TSPAN11: variants seen among roughly 807,000 people sequenced by gnomAD.
TSPAN11 encodes tetraspanin 11, also known as tetraspanin-11.
In TSPAN11, 29 loss-of-function variants were observed where a neutral mutation model predicts 32.9. The observed-to-expected ratio is 0.88, with a 90% CI of 0.66 to 1.20. The LOEUF (loss-of-function observed/expected upper bound fraction) is 1.20, where lower values mean the gene tolerates loss of function less well. Ranked by LOEUF, TSPAN11 falls within the 50% of genes most tolerant of loss-of-function variation. The probability of loss-of-function intolerance (pLI) is 0.00; values close to 1 mark genes in which losing one functional copy is unlikely to be tolerated. For synonymous variants in TSPAN11, 140 were observed against 141.3 expected (o/e 0.99, Z 0.07); for missense variants, 283 against 329.1 (o/e 0.86, Z 1.08).
chr12:30,943,610 C>CA (rs1938209882), intron 1 of TSPAN11, among the ~76,000 whole-genome samples: 2 of 152,224 alleles, frequency 1.3e-5, no homozygotes, highest in African/African-American at 4.8e-5. Flanking sequence ...TGCAGTGTGA[C>CA]TTTGGCCACA....
At chr12:30,980,525 T>G (rs1323278522) in intron 5 of TSPAN11, among the ~76,000 whole-genome samples, 2 of 151,886 alleles carry the variant, frequency 1.3e-5, no homozygotes, top group Admixed American at 1.3e-4. Context: ...CCCACTCTGG[T>G]CCCCTTTCTC....
the TSPAN11 span, among the ~76,000 whole-genome samples, chr12:31,008,302 G>T: frequency 6.6e-6 from 1 of 152,188 alleles, no homozygotes; most frequent in African/African-American, 2.4e-5. Context: ...AAAGCTTCCT[G>T]TCCACAGTTT....
the TSPAN11 span, among the ~76,000 whole-genome samples, chr12:31,010,217 A>T: frequency 9.9e-5 from 15 of 152,200 alleles, no homozygotes; most frequent in Non-Finnish European, 1.5e-4. Context: ...CCCAAGGCTC[A>T]GAGGTGTGAC....
intron 1 of TSPAN11, among the ~76,000 whole-genome samples, chr12:30,932,747 A>G (rs541652425): frequency 1.3e-5 from 2 of 151,924 alleles, no homozygotes; most frequent in East Asian, 3.9e-4. Flanking sequence ...CCAAGTTACA[A>G]CTCCATGGAA....
At chr12:30,982,364 G>A (rs574856282) in intron 5 of TSPAN11, among the ~76,000 whole-genome samples, 168 bp from the exon 6 acceptor site, 20 of 152,020 alleles carry the variant, frequency 1.3e-4, no homozygotes, top group Non-Finnish European at 2.8e-4. Flanking sequence ...GGCGTGACCA[G>A]CTCTCTGCTC....
intron 1 of TSPAN11, among the ~76,000 whole-genome samples, chr12:30,941,137 C>T (rs757938735): frequency 3.9e-5 from 6 of 152,216 alleles, no homozygotes; most frequent in Non-Finnish European, 5.9e-5. Flanking sequence ...TCCACCTATA[C>T]GTGCATATTT....
chr12:30,928,513 G>A (rs1402581391), intron 1 of TSPAN11, among the ~76,000 whole-genome samples: 1 of 152,180 alleles, frequency 6.6e-6, no homozygotes, highest in Non-Finnish European at 1.5e-5. Context: ...CCGAATTCCA[G>A]GATGTAGTTG....
intron 3 of TSPAN11, among the ~76,000 whole-genome samples, chr12:30,976,369 T>C (rs556948971): frequency 1.3e-5 from 2 of 152,230 alleles, no homozygotes; most frequent in South Asian, 4.1e-4. Context: ...GCCACGTTTT[T>C]CTAATTTGCA....
rs537398494 is a variant in TSPAN11 at position 30,965,462 on chromosome 12, G to T, written c.276+1445G>T. Among the ~76,000 whole-genome samples, 35 of 152,244 alleles carry T rather than the reference G, an allele frequency of 2.3e-4. 1 individual carries two copies. In the South Asian group the frequency reaches 7.3e-3, roughly 32 times the overall value. On this transcript the variant is annotated intron_variant, in intron 3 of 7. Coordinates refer to ENST00000546076, the MANE Select transcript of TSPAN11 (RefSeq NM_001370302.1). ...GAAAGAATACAGAAGCCCCCACCGA[G>T]CGCCTTCCTCTGACCCAGAGCCATC...
At chr12:30,979,113 G>C (rs1341976617) in intron 4 of TSPAN11, among the ~76,000 whole-genome samples, 1 of 152,186 alleles carries the variant, frequency 6.6e-6, no homozygotes, top group East Asian at 1.9e-4. Context: ...GGTGATGTTT[G>C]GCTGGTAGAG....
rs184366426 is a variant in TSPAN11, at chr12:30,978,776, A to C, written c.351+141A>C. 1.4e-4 allele frequency: 108 copies of C among 760,898 alleles called. No individual in the cohort carries two copies. The East Asian group carries it at 2.5e-3, about 17-fold the overall frequency. The allele number at this position is 760,898 out of a possible 1,614,324, so 47.1% of individuals were successfully genotyped here. On this transcript the variant is annotated intron_variant, in intron 4 of 7. Coordinates refer to ENST00000546076, the MANE Select transcript of TSPAN11 (RefSeq NM_001370302.1). ...TCCCAGGCCCCGGCAATCCCCCTACATATCTGCATCCCAGCTGCTGGTCCT... is the reference window on the plus strand; with the variant it reads ...TCCCAGGCCCCGGCAATCCCCCTACCTATCTGCATCCCAGCTGCTGGTCCT...
In TSPAN11 at chr12:30,991,862, G is replaced by T. The variant is rs201664737; in HGVS notation, c.709G>T (p.Gly237Trp). ...GIGVACLQIC[G>W]MVLTCCLHQR... The stretch of plus-strand genomic sequence containing the variant: ...TGCTCTCTCCACCTGGCAGATCTGC[G>T]GGATGGTTCTCACCTGCTGCTTGCA... The change falls in exon 8 of 8, where the codon GGG becomes TGG. Residue 237 changes from glycine to tryptophan, a missense_variant. Physicochemically the swap from Gly to Trp is radical, Grantham distance 184. Transcript: ENST00000546076. 1 of 1,613,976 alleles carries T rather than the reference G, an allele frequency of 6.2e-7. No homozygotes were observed. The highest frequency in any genetic ancestry group is 1.3e-5 in the African/African-American group (1 of 74,892).
intron 1 of TSPAN11, among the ~76,000 whole-genome samples, chr12:30,951,585 C>T (rs564688229): frequency 1.3e-5 from 2 of 152,296 alleles, no homozygotes; most frequent in African/African-American, 4.8e-5. Flanking sequence ...AACCCTATTT[C>T]ATAGGGGTAT....
chr12:30,966,676 G>A (rs1938740079), intron 3 of TSPAN11, among the ~76,000 whole-genome samples: 1 of 152,248 alleles, frequency 6.6e-6, no homozygotes, highest in Admixed American at 6.5e-5. Flanking sequence ...CAGAGGCCAA[G>A]GGGGAGGATG....
At chr12:30,930,201 G>A (rs897137415) in intron 1 of TSPAN11, among the ~76,000 whole-genome samples, 2 of 152,196 alleles carry the variant, frequency 1.3e-5, no homozygotes, top group Admixed American at 1.3e-4. Flanking sequence ...GAAGGGGGCA[G>A]CAAATATACA....
chr12:30,987,386 A>G (rs570261043), intron 7 of TSPAN11, among the ~76,000 whole-genome samples: 3 of 152,158 alleles, frequency 2.0e-5, no homozygotes, highest in Non-Finnish European at 2.9e-5. Flanking sequence ...AGTCAGGTGG[A>G]TCATGAACTT....
Position 30,972,997 on chromosome 12 carries a change from C to T in TSPAN11, c.277-5564C>T, listed in dbSNP as rs76157083. ...ACCTCTCCTGACACTCTGTCCTTTG[C>T]GGAGGAGCACTGACACCCCTGTGTT... On this transcript the variant is annotated intron_variant, in intron 3 of 7. Transcript: ENST00000546076. Among the ~76,000 whole-genome samples, 647 of 152,144 alleles carry T rather than the reference C, an allele frequency of 4.3e-3. 10 individuals carry two copies. Among genetic ancestry groups the T allele is most frequent in the East Asian group, 0.041 (211 of 5,162 alleles).
At chr12:30,947,370 C>A (rs1215557053) in intron 1 of TSPAN11, among the ~76,000 whole-genome samples, 1 of 152,182 alleles carries the variant, frequency 6.6e-6, no homozygotes, top group Non-Finnish European at 1.5e-5. Context: ...GTGCACCAGG[C>A]ATGCTCCAGC....
intron 2 of TSPAN11, among the ~76,000 whole-genome samples, chr12:30,960,074 T>C (rs901185778): frequency 7.4e-6 from 1 of 135,018 alleles, no homozygotes; most frequent in Non-Finnish European, 1.5e-5. Context: ...AATTGGCACA[T>C]GGTTGTCATT....
Sources: allele counts gnomAD v4.1 joint callset (sites outside exome capture counted in the v4.1 genomes callset), GRCh38; gene constraint gnomAD v4.1.1; transcripts MANE v1.5; gene names NCBI Gene and HGNC (gene_info 2026-07-23, HGNC 2026-07-21).